SDK2: variants seen among roughly 807,000 people sequenced by gnomAD.
The protein encoded by SDK2 is protein sidekick-2.
SDK2 carries 105 observed loss-of-function variants against 253.9 expected under a neutral mutation model. The ratio of observed to expected loss-of-function variants is 0.41; its 90% CI spans 0.35 to 0.49. The LOEUF is 0.49. SDK2 is among the 20% of genes least tolerant of loss of function. The pLI, the probability that SDK2 is intolerant of heterozygous loss-of-function variation, is 0.06. For synonymous variants in SDK2, 1,249 were observed against 1,234.9 expected, an observed-to-expected ratio of 1.01 and a Z score of -0.24; for missense variants, 2,608 against 3,003.0, an observed-to-expected ratio of 0.87 and a Z score of 3.07.
rs556826701 is a variant in SDK2, at chr17:73,590,421, T to G, written c.64+53604A>C. ...AGCACAGCAGCAACTTGAAGCTGACTTTGCTCGTTGCCAAGACCCGCACCA... is the reference window on the plus strand; with the variant it reads ...AGCACAGCAGCAACTTGAAGCTGACGTTGCTCGTTGCCAAGACCCGCACCA... On this transcript the variant is annotated intron_variant, in intron 1 of 44. Transcript: ENST00000392650. Among the ~76,000 whole-genome samples, 19 of 152,342 alleles carry G rather than the reference T, an allele frequency of 1.2e-4. No individual in the cohort carries two copies. In the South Asian group the frequency reaches 3.7e-3, roughly 30 times the overall value.
At chr17:73,529,188 G>A (rs993781293) in intron 1 of SDK2, among the ~76,000 whole-genome samples, 11 of 152,286 alleles carry the variant, frequency 7.2e-5, no homozygotes, top group African/African-American at 2.2e-4. Flanking sequence ...TGTAATGAGC[G>A]AAAAGCATGC....
At position 73,422,416 on chromosome 17, in the gene SDK2, A is replaced by G; in HGVS notation, c.1916T>C (p.Leu639Pro). 3 of 1,613,926 alleles carry G rather than the reference A, an allele frequency of 1.9e-6. No individual in the cohort carries two copies. The highest frequency in any genetic ancestry group is 2.5e-6 in the Non-Finnish European group (3 of 1,179,866). ...MSENNAPWTV[L>P]LASVDPKATS... ...AGCTTTGGGGTCCACACTGGCCAGG[A>G]GTACAGTCCAGGGGGCATCTGCAGG... The change falls in exon 15 of 45, where the codon CTC (leucine) becomes CCC (proline). Residue 639 changes from leucine (L) to proline (P), a missense_variant. Leu to Pro is a moderately conservative substitution (Grantham distance 98). Transcript: ENST00000392650.
At chr17:73,536,646 C>T (rs948400978) in intron 1 of SDK2, among the ~76,000 whole-genome samples, 1 of 152,214 alleles carries the variant, frequency 6.6e-6, no homozygotes, top group African/African-American at 2.4e-5. Context: ...CACGCCAGTG[C>T]GGGGGTCGCA....
intron 33 of SDK2, among the ~76,000 whole-genome samples, chr17:73,382,077 G>T (rs1293342814): frequency 6.6e-6 from 1 of 152,012 alleles, no homozygotes; most frequent in Non-Finnish European, 1.5e-5. Flanking sequence ...TTAGCTGGGC[G>T]TGGTAGTGTG....
At chr17:73,608,305 AC>A (rs1483445438) in intron 1 of SDK2, among the ~76,000 whole-genome samples, 1 of 151,984 alleles carries the variant, frequency 6.6e-6, no homozygotes, top group Admixed American at 6.6e-5. Flanking sequence ...GAGGACGATC[AC>A]GGAGGTAAAG....
At position 73,534,534 on chromosome 17, in the gene SDK2, A is replaced by C. The variant is rs2064198381; in HGVS notation, c.65-26937T>G. Reference sequence around the variant, plus strand: ...ACAGGAGGGAGGAGGAAGGAGAAGTAAAGTCACAAAAGGGAGGGATGGGAA... The same window carrying C: ...ACAGGAGGGAGGAGGAAGGAGAAGTCAAGTCACAAAAGGGAGGGATGGGAA... On this transcript the variant is annotated intron_variant, in intron 1 of 44. Transcript: ENST00000392650. The surrounding 1 kb of genome is among the most constrained non-coding windows in gnomAD (Gnocchi z 4.9). Among the ~76,000 whole-genome samples the C allele has an allele frequency of 6.6e-6, 1 of 152,130 alleles. No homozygotes were observed. Among genetic ancestry groups the C allele is most frequent in the Non-Finnish European group, 1.5e-5 (1 of 68,014 alleles).
Position 73,395,501 on chromosome 17 carries a change from C to G in SDK2, c.3355-109G>C. ...CAGGGCGCCTTCAGGGCTATCCATCCCACTGTCACCCGGTCAGTGTCCACA... is the reference window on the plus strand; with the variant it reads ...CAGGGCGCCTTCAGGGCTATCCATCGCACTGTCACCCGGTCAGTGTCCACA... On this transcript the variant is annotated intron_variant, in intron 24 of 44. Coordinates refer to ENST00000392650, the MANE Select transcript of SDK2 (RefSeq NM_001144952.2). The surrounding 1 kb of genome is among the most constrained non-coding windows in gnomAD (Gnocchi z 4.3). The G allele has an allele frequency of 1.3e-6, 1 of 762,382 alleles. No homozygotes were observed. The highest frequency in any genetic ancestry group is 2.3e-5 in the Admixed American group (1 of 44,048). The allele number at this position is 762,382 out of a possible 1,614,324, so 47.2% of individuals were successfully genotyped here.
rs2063346602 is a variant in SDK2, at chr17:73,433,835, G to T, written c.1209C>A (p.Asn403Lys). The T allele has an allele frequency of 6.4e-7, 1 of 1,560,190 alleles. No individual in the cohort carries two copies. The highest frequency in any genetic ancestry group is 1.2e-5 in the South Asian group (1 of 81,512). Residue 403 changes from asparagine to lysine, a missense_variant, in exon 10 of 45, where the codon AAC (asparagine) becomes AAA (lysine). Asn to Lys is a moderately conservative substitution (Grantham distance 94). Coordinates refer to ENST00000392650, the MANE Select transcript of SDK2 (RefSeq NM_001144952.2). ...TGCTGTCCAGGGGGCCTCTGGTGAT[G>T]TTAGGGGCGATGCCTGCAAACAGAG... ...TYLAVTSIAP[N>K]ITRGPLDSTV...
At chr17:73,351,464 A>G (rs1474435786) in intron 41 of SDK2, among the ~76,000 whole-genome samples, 1 of 152,042 alleles carries the variant, frequency 6.6e-6, no homozygotes, top group Non-Finnish European at 1.5e-5. Context: ...AAGCATACCT[A>G]AATCTGTGTG....
rs77844675 is a variant in SDK2 at position 73,384,042 on chromosome 17, C to G, written c.4570-31G>C. The G allele has an allele frequency of 4.1e-3, 6,629 of 1,604,214 alleles. 183 individuals carry two copies. In the East Asian group the frequency reaches 0.079, roughly 19 times the overall value. ...GGAAGGGAGTAGGGCATGGGGAGGG[C>G]ACCTGGACCACCACCCACCCCTCCC... On this transcript the variant is annotated intron_variant, in intron 32 of 44. Coordinates refer to ENST00000392650, the MANE Select transcript of SDK2 (RefSeq NM_001144952.2).
At chr17:73,403,578 G>A (rs1039889004) in intron 18 of SDK2, among the ~76,000 whole-genome samples, 2 of 152,172 alleles carry the variant, frequency 1.3e-5, no homozygotes, top group Non-Finnish European at 2.9e-5. Flanking sequence ...AACACTTGAT[G>A]AGTTTTAATA....
intron 30 of SDK2, among the ~76,000 whole-genome samples, chr17:73,387,473 C>G (rs1339255706): frequency 2.0e-5 from 3 of 152,160 alleles, no homozygotes; most frequent in Non-Finnish European, 4.4e-5. Flanking sequence ...TAAATTGAAG[C>G]TAGAATTTCG....
intron 3 of SDK2, among the ~76,000 whole-genome samples, chr17:73,456,822 G>C (rs565920234): frequency 4.7e-4 from 72 of 152,360 alleles, no homozygotes; most frequent in Non-Finnish European, 7.3e-4. Context: ...GCGGGACAAG[G>C]GGGTAGGGAG....
chr17:73,584,163 C>T (rs1038246132), intron 1 of SDK2, among the ~76,000 whole-genome samples: 2 of 152,236 alleles, frequency 1.3e-5, no homozygotes, highest in Admixed American at 6.5e-5. Context: ...GTGTCCTGCA[C>T]ACTGGCCAAC....
intron 1 of SDK2, among the ~76,000 whole-genome samples, chr17:73,590,125 C>T (rs576853554): frequency 1.2e-4 from 19 of 152,270 alleles, no homozygotes; most frequent in South Asian, 2.1e-4. Context: ...AACAGGGAGC[C>T]GATGAGGGCC....
chr17:73,347,316 C>A (rs371738272), intron 44 of SDK2, among the ~76,000 whole-genome samples: 1 of 152,142 alleles, frequency 6.6e-6, no homozygotes, highest in Admixed American at 6.6e-5. Context: ...GTGGAGATTG[C>A]GCCACTGCAC....
chr17:73,602,991 T>C (rs1165177226), intron 1 of SDK2, among the ~76,000 whole-genome samples: 2 of 152,224 alleles, frequency 1.3e-5, no homozygotes, highest in East Asian at 1.9e-4. Context: ...TCCCAAAGTG[T>C]TGGGATTATA....
rs116554272 is a variant in SDK2 at position 73,413,593 on chromosome 17, C to T, written c.2484+1051G>A. ...TTATAGCAGCCCAAATGCATTTCTA[C>T]GACCACTAAAATCACTTTCCAAGTG... On this transcript the variant is annotated intron_variant, in intron 18 of 44. Coordinates refer to ENST00000392650, the MANE Select transcript of SDK2 (RefSeq NM_001144952.2). 9.8e-3 allele frequency among the ~76,000 whole-genome samples: 1,494 copies of T among 152,220 alleles called. 26 individuals carry two copies. The highest frequency in any genetic ancestry group is 0.034 in the Middle Eastern group (10 of 294).
intron 2 of SDK2, among the ~76,000 whole-genome samples, chr17:73,474,427 G>A (rs1352445323): frequency 6.6e-6 from 1 of 152,200 alleles, no homozygotes; most frequent in Non-Finnish European, 1.5e-5. Context: ...TGAAGCTGAG[G>A]TCACATCCCA....
Sources: allele counts gnomAD v4.1 joint callset (sites outside exome capture counted in the v4.1 genomes callset), GRCh38; gene constraint gnomAD v4.1.1; non-coding constraint Gnocchi (gnomAD v3.1); transcripts MANE v1.5; gene names NCBI Gene and HGNC (gene_info 2026-07-23, HGNC 2026-07-21).